FRMPD4: variants seen among roughly 807,000 people sequenced by gnomAD.
The protein encoded by FRMPD4 is FERM and PDZ domain-containing protein 4.
A neutral mutation model predicts 94.1 loss-of-function variants in FRMPD4; 22 were observed. The observed-to-expected ratio is 0.23, with a 90% confidence interval of 0.17 to 0.33. The LOEUF (loss-of-function observed/expected upper bound fraction) is 0.33, where lower values mean the gene tolerates loss of function less well. Ranked by LOEUF, FRMPD4 falls within the 10% of genes least tolerant of loss-of-function variation. The pLI, the probability that FRMPD4 is intolerant of heterozygous loss-of-function variation, is 1.00. For synonymous variants in FRMPD4, 631 were observed against 548.6 expected, an observed-to-expected ratio of 1.15 and a Z score of -2.10; for missense variants, 1,111 against 1,339.9, an observed-to-expected ratio of 0.83 and a Z score of 2.67.
intron 1 of FRMPD4, among the ~76,000 whole-genome samples, chrX:12,189,914 GA>G (rs1038648766): frequency 6.3e-5 from 7 of 111,372 alleles, no homozygotes; most frequent in Admixed American, 5.7e-4. Context: ...TACAAATTGG[GA>G]AGGAAGAAAT....
rs1319047040 is a variant in FRMPD4, at chrX:12,722,331, A to T, written c.*473A>T. ...ATTATGATTTTTAAGCATTGGAAAT[A>T]GCAAAAAGACATTTAAAATTCAAGA... On this transcript the variant is annotated 3_prime_UTR_variant, in exon 17 of 17. Coordinates refer to ENST00000675598, the MANE Select transcript of FRMPD4 (RefSeq NM_001368397.1). 1 of 112,647 alleles carries T rather than the reference A, an allele frequency of 8.9e-6. No homozygotes were observed. Among genetic ancestry groups the T allele is most frequent in the Non-Finnish European group, 1.9e-5 (1 of 53,367 alleles). The allele number at this position is 112,647 out of a possible 1,213,427, so 9.3% of individuals were successfully genotyped here. A position where few individuals can be genotyped will look rare whatever the true frequency, so the allele number is the denominator to read the frequency against.
At chrX:12,260,838 T>C (rs111475109) in intron 1 of FRMPD4, among the ~76,000 whole-genome samples, 3,893 of 112,130 alleles carry the variant, frequency 0.035, 158 homozygotes, top group African/African-American at 0.12. Flanking sequence ...ACGCGTTTGC[T>C]TAATCTGATG....
chrX:12,543,644 G>A (rs2058442105), intron 2 of FRMPD4, among the ~76,000 whole-genome samples: 1 of 112,105 alleles, frequency 8.9e-6, no homozygotes, highest in Admixed American at 9.4e-5. Flanking sequence ...TGGTGGGACT[G>A]TCAACTAGTT....
intron 2 of FRMPD4, among the ~76,000 whole-genome samples, chrX:12,556,099 A>G (rs1413283652): frequency 1.4e-4 from 15 of 110,208 alleles, no homozygotes; most frequent in Non-Finnish European, 9.5e-5. Context: ...TAGTTTGATT[A>G]GTGTGGTGGG....
chrX:12,539,033 C>T (rs1680197046), intron 2 of FRMPD4, among the ~76,000 whole-genome samples: 1 of 111,530 alleles, frequency 9.0e-6, no homozygotes, highest in Admixed American at 9.5e-5. Flanking sequence ...AAGCTAAAAA[C>T]TTTGAAAAAA....
chrX:12,417,993 C>CA (rs757060426), intron 1 of FRMPD4, among the ~76,000 whole-genome samples: 2,989 of 33,692 alleles, frequency 0.089, 153 homozygotes, highest in Middle Eastern at 0.17. Context: ...GACTCTGTCT[C>CA]AAAAAAAAAA....
intron 3 of FRMPD4, among the ~76,000 whole-genome samples, chrX:11,890,963 G>A (rs553877667): frequency 5.7e-4 from 64 of 112,887 alleles, no homozygotes; most frequent in African/African-American, 2.0e-3. Flanking sequence ...CTGCTCTGCC[G>A]TATGTGTGCT....
At chrX:11,824,921 T>C (rs2053432768) in intron 1 of FRMPD4, among the ~76,000 whole-genome samples, 1 of 105,831 alleles carries the variant, frequency 9.4e-6, no homozygotes, top group Non-Finnish European at 1.9e-5. Context: ...GGTGATGCAA[T>C]GGACAGAGTG....
intron 3 of FRMPD4, among the ~76,000 whole-genome samples, chrX:11,941,481 A>T (rs2054159764): frequency 8.9e-6 from 1 of 112,201 alleles, no homozygotes; most frequent in Admixed American, 9.5e-5. Context: ...CCTCTCCCAC[A>T]GTTAGCCGTA....
Position 12,718,080 on chromosome X carries a change from C to A in FRMPD4, c.3254C>A (p.Ala1085Asp). ...HLSTFNLERT[A>D]FRKDSQRWYV... ...AGCACTTTTAATCTGGAGAGAACTG[C>A]CTTTCGCAAGGACAGTCAAAGATGG... is the stretch of plus-strand genomic sequence containing the variant. Residue 1085 changes from alanine to aspartate, a missense_variant, in exon 16 of 17, where the codon GCC (alanine) becomes GAC (aspartate). By Grantham distance (126) the Ala-to-Asp change is moderately radical. Around this residue, in one of 8 missense-constraint regions of FRMPD4, gnomAD observed 551 missense variants for 591.6 expected, o/e 0.93. Coordinates refer to ENST00000675598, the MANE Select transcript of FRMPD4 (RefSeq NM_001368397.1). The A allele has an allele frequency of 8.3e-7, 1 of 1,210,194 alleles. No homozygotes were observed. Among genetic ancestry groups the A allele is most frequent in the Non-Finnish European group, 1.1e-6 (1 of 894,022 alleles).
chrX:12,233,646 C>A (rs1291212905), intron 1 of FRMPD4, among the ~76,000 whole-genome samples: 1 of 111,627 alleles, frequency 9.0e-6, no homozygotes, highest in East Asian at 2.8e-4. Flanking sequence ...TCATTGCAGG[C>A]CCAAATGTGT....
At chrX:12,281,614 A>G (rs112324901) in intron 1 of FRMPD4, among the ~76,000 whole-genome samples, 1,189 of 111,292 alleles carry the variant, frequency 0.011, 13 homozygotes, top group African/African-American at 0.037. Flanking sequence ...GCCTCAAGTG[A>G]TCTGCCTACC....
At chrX:12,539,767 G>T (rs2058384351) in intron 2 of FRMPD4, among the ~76,000 whole-genome samples, 1 of 110,648 alleles carries the variant, frequency 9.0e-6, no homozygotes, top group Admixed American at 9.6e-5. Flanking sequence ...CCTAGTAGCT[G>T]CGACTACAGG....
chrX:12,479,022 A>G (rs1322091896), intron 1 of FRMPD4, among the ~76,000 whole-genome samples: 1 of 111,353 alleles, frequency 9.0e-6, no homozygotes, highest in Non-Finnish European at 1.9e-5. Flanking sequence ...CATAAATGAA[A>G]TCTAAGTAAG....
At chrX:12,107,984 G>A (rs1320214781) in intron 3 of FRMPD4, among the ~76,000 whole-genome samples, 1 of 112,037 alleles carries the variant, frequency 8.9e-6, no homozygotes, top group Non-Finnish European at 1.9e-5. Flanking sequence ...ATGGAACCAA[G>A]TTGGAAAACA....
intron 3 of FRMPD4, among the ~76,000 whole-genome samples, chrX:12,129,429 C>A: frequency 9.0e-6 from 1 of 111,395 alleles, no homozygotes; most frequent in Non-Finnish European, 1.9e-5. Context: ...TAACTGCCCC[C>A]ATGATTCAAT....
chrX:12,519,601 A>T (rs1177448020), intron 2 of FRMPD4, among the ~76,000 whole-genome samples: 7 of 112,546 alleles, frequency 6.2e-5, no homozygotes, highest in Non-Finnish European at 1.9e-5. Flanking sequence ...CATGATCAAC[A>T]GAATGAAAAT....
At chrX:12,585,369 T>C in intron 2 of FRMPD4, among the ~76,000 whole-genome samples, 1 of 109,072 alleles carries the variant, frequency 9.2e-6, no homozygotes, top group Non-Finnish European at 1.9e-5. Flanking sequence ...TACAGGCCCC[T>C]GCCACCACAC....
intron 3 of FRMPD4, among the ~76,000 whole-genome samples, chrX:12,048,609 A>G (rs755940810): frequency 4.0e-4 from 45 of 111,856 alleles, no homozygotes; most frequent in African/African-American, 1.4e-3. Flanking sequence ...CTAGGTTCTT[A>G]TAGTTTGAGG....
Sources: gnomAD v4.1 joint callset for allele counts (sites outside exome capture counted in the v4.1 genomes callset) on GRCh38, gnomAD v4.1.1 for gene constraint, gnomAD v4.1.1 regional missense constraint, MANE v1.5 for transcripts, NCBI Gene and HGNC (gene_info 2026-07-23, HGNC 2026-07-21) for gene names.